Variants in DNAH10 observed in about 807,000 individuals in gnomAD.
The protein encoded by DNAH10 is dynein axonemal heavy chain 10.
Under a neutral mutation model 506.6 loss-of-function variants are expected in DNAH10, and 348 were observed. The observed-to-expected ratio is 0.69, with a 90% confidence interval of 0.63 to 0.75. DNAH10 has a LOEUF of 0.75. Ranked by LOEUF, DNAH10 falls within the 30% of genes least tolerant of loss-of-function variation. The pLI, the probability that DNAH10 is intolerant of heterozygous loss-of-function variation, is 0.00. For missense variants in DNAH10, 5,179 were observed against 5,787.1 expected (o/e 0.89, Z 3.41); for synonymous variants, 2,059 against 2,198.6 (o/e 0.94, Z 1.78).
chr12:123,840,564 C>A (rs1417821131), intron 29 of DNAH10, among the ~76,000 whole-genome samples: 1 of 152,036 alleles, frequency 6.6e-6, no homozygotes, highest in East Asian at 1.9e-4. Flanking sequence ...GCTATTGTGC[C>A]TGGCCTTCTG....
At position 123,785,669 on chromosome 12, in the gene DNAH10, G is replaced by T; in HGVS notation, c.1231-77G>T. On this transcript the variant is annotated intron_variant, in intron 8 of 78. Transcript: ENST00000673944. The surrounding 1 kb of genome is among the most constrained non-coding windows in gnomAD (Gnocchi z 4.1). ...AAAAAAAAAAAGAGTGAAACTTCTT[G>T]CATGCTTACTGTTTTATGAAACTAT... is the stretch of plus-strand genomic sequence containing the variant. 2 of 1,161,076 alleles carry T rather than the reference G, an allele frequency of 1.7e-6. No homozygotes were observed. Among genetic ancestry groups the T allele is most frequent in the South Asian group, 2.4e-5 (1 of 41,720 alleles). 71.9% of individuals were successfully genotyped at this position (1,161,076 alleles called of 1,614,324 possible). A position where few individuals can be genotyped will look rare whatever the true frequency, so the allele number is the denominator to read the frequency against.
Position 123,913,379 on chromosome 12 carries a change from C to T in DNAH10, c.10352+64C>T, listed in dbSNP as rs575236491. Reference sequence around the variant, plus strand: ...AACGGACGTCACCCACAGAGTTTCTCGCCATGTTGATTCTTTATCTCACGT... The same window carrying T: ...AACGGACGTCACCCACAGAGTTTCTTGCCATGTTGATTCTTTATCTCACGT... On this transcript the variant is annotated intron_variant, in intron 60 of 78. Coordinates refer to ENST00000673944, the MANE Select transcript of DNAH10 (RefSeq NM_001372106.1). The surrounding 1 kb of genome is among the most constrained non-coding windows in gnomAD (Gnocchi z 5.1). 21 of 1,462,950 alleles carry T rather than the reference C, an allele frequency of 1.4e-5. No homozygotes were observed. The highest frequency in any genetic ancestry group is 5.0e-5 in the East Asian group (2 of 40,140). The allele number at this position is 1,462,950 out of a possible 1,614,324, so 90.6% of individuals were successfully genotyped here.
chr12:123,801,961 ATGT>A lies in DNAH10; in HGVS notation c.2614+533_2614+535del, dbSNP rs1180555799. On this transcript the variant is annotated intron_variant, in intron 16 of 78. Transcript: ENST00000673944. Reference sequence around the variant, plus strand: ...CATGAATCTTTATTCAATTTCTGTAATGTTGTCATTTCAGAGTGTTATATAAAT... The same window carrying A: ...CATGAATCTTTATTCAATTTCTGTAATGTCATTTCAGAGTGTTATATAAAT... 5.9e-5 allele frequency among the ~76,000 whole-genome samples: 9 copies of A among 152,232 alleles called. No homozygotes were observed. The South Asian group carries it at 1.9e-3, about 32-fold the overall frequency.
intron 11 of DNAH10, 37 bp downstream of exon 11, chr12:123,790,158 G>T: frequency 1.3e-6 from 2 of 1,585,462 alleles, no homozygotes; most frequent in South Asian, 2.3e-5. Context: ...CTTGGGAGTC[G>T]ACACCATGTT....
chr12:123,879,441 G>A (rs957581762), intron 49 of DNAH10, 84 bp downstream of exon 49: 1 of 1,497,334 alleles, frequency 6.7e-7, no homozygotes, highest in Non-Finnish European at 9.0e-7. Context: ...ATTAGGACGC[G>A]AATTGTGGAA....
chr12:123,798,969 G>A (rs185818153), intron 13 of DNAH10, among the ~76,000 whole-genome samples: 3 of 149,438 alleles, frequency 2.0e-5, no homozygotes, highest in Non-Finnish European at 4.5e-5. Flanking sequence ...GCTGGGTGTG[G>A]TGGCATGTGC....
intron 73 of DNAH10, among the ~76,000 whole-genome samples, chr12:123,931,092 G>C (rs891853962): frequency 6.6e-6 from 1 of 152,088 alleles, no homozygotes. Context: ...GTGAATACCT[G>C]TAGTACCAGC....
rs554890769 is a variant in DNAH10 at position 123,813,217 on chromosome 12, G to T, written c.3198G>T (p.Gly1066=). 6.2e-6 allele frequency: 10 copies of T among 1,613,918 alleles called. No homozygotes were observed. Among genetic ancestry groups the T allele is most frequent in the Non-Finnish European group, 7.6e-6 (9 of 1,179,864 alleles). ...GSCIECPPQK[G]EEEEVVIINF... Reference sequence around the variant, plus strand: ...GCATAGAATGCCCACCTCAGAAGGGGGAGGAAGAGGAAGTTGTTATAATAA... The same window carrying T: ...GCATAGAATGCCCACCTCAGAAGGGTGAGGAAGAGGAAGTTGTTATAATAA... The change falls in exon 20 of 79, where the codon GGG becomes GGT. Residue 1066 remains glycine, a synonymous_variant. Transcript: ENST00000673944.
chr12:123,785,959 T>TTTTTG lies in DNAH10; in HGVS notation c.1421+37_1421+41dup, dbSNP rs770709409. On this transcript the variant is annotated intron_variant, in intron 9 of 78. Coordinates refer to ENST00000673944, the MANE Select transcript of DNAH10 (RefSeq NM_001372106.1). The surrounding 1 kb of genome is among the most constrained non-coding windows in gnomAD (Gnocchi z 4.1). ...CAAGTAAGAAGCCATGGCGTTCATT[T>TTTTTG]TTTTGTTTTGTTTTGTTTCACTTTT... is the stretch of plus-strand genomic sequence containing the variant. 3.0e-5 allele frequency: 48 copies of TTTTTG among 1,596,470 alleles called. No individual in the cohort carries two copies. Among genetic ancestry groups the TTTTTG allele is most frequent in the South Asian group, 3.0e-4 (27 of 90,524 alleles).
At chr12:123,784,210 T>C in intron 8 of DNAH10, 33 bp downstream of exon 8, 1 of 1,583,364 alleles carries the variant, frequency 6.3e-7, no homozygotes, top group Non-Finnish European at 8.7e-7. Flanking sequence ...TGCAGTCAGC[T>C]CTGTCAAAGA....
chr12:123,931,578 G>A (rs1955209567), intron 74 of DNAH10, 58 bp from the exon 75 acceptor site: 1 of 1,608,092 alleles, frequency 6.2e-7, no homozygotes, highest in Admixed American at 1.7e-5. Context: ...GAAGGCTCAG[G>A]AGGCTCCGGT....
intron 72 of DNAH10, chr12:123,930,129 G>A (rs1955138095): frequency 3.9e-6 from 2 of 517,482 alleles, no homozygotes; most frequent in Non-Finnish European, 3.4e-6. Context: ...TTTGTTTGAT[G>A]TGTTTGGGGG....
chr12:123,803,921 T>G (rs1017490488), intron 17 of DNAH10, 96 bp downstream of exon 17: 2 of 1,173,106 alleles, frequency 1.7e-6, no homozygotes, highest in African/African-American at 3.3e-5. Flanking sequence ...AATATACATA[T>G]GTATTTGTAT....
intron 21 of DNAH10, among the ~76,000 whole-genome samples, chr12:123,816,525 C>T (rs1360418379): frequency 6.6e-6 from 1 of 152,176 alleles, no homozygotes; most frequent in Non-Finnish European, 1.5e-5. Context: ...CTGTGCACCC[C>T]CCAACCCCAT....
intron 10 of DNAH10, 86 bp downstream of exon 10, chr12:123,788,088 C>A: frequency 6.8e-7 from 1 of 1,470,942 alleles, no homozygotes; most frequent in Non-Finnish European, 9.3e-7. Flanking sequence ...CAGGTAGGAG[C>A]TGGGCGTCAG....
intron 50 of DNAH10, 80 bp downstream of exon 50, chr12:123,879,881 G>A: frequency 1.3e-6 from 2 of 1,513,550 alleles, no homozygotes; most frequent in East Asian, 2.3e-5. Context: ...TCGCGCGGGT[G>A]CCCGGGAGCC....
At chr12:123,826,531 T>C (rs1960008962) in intron 24 of DNAH10, among the ~76,000 whole-genome samples, 156 bp from the exon 25 acceptor site, 1 of 152,236 alleles carries the variant, frequency 6.6e-6, no homozygotes. Flanking sequence ...TTTTAGATCC[T>C]TGTAGTCAAC....
At chr12:123,801,952 A>G (rs1594062097) in intron 16 of DNAH10, among the ~76,000 whole-genome samples, 1 of 152,282 alleles carries the variant, frequency 6.6e-6, no homozygotes, top group Middle Eastern at 3.4e-3. Flanking sequence ...TCTTTATTCA[A>G]TTTCTGTAAT....
In DNAH10 at chr12:123,926,542, TG is replaced by T; in HGVS notation, c.11922-93del. 2 of 1,357,612 alleles carry T rather than the reference TG, an allele frequency of 1.5e-6. No individual in the cohort carries two copies. Among genetic ancestry groups the T allele is most frequent in the Non-Finnish European group, 2.0e-6 (2 of 998,356 alleles). 84.1% of individuals were successfully genotyped at this position (1,357,612 alleles called of 1,614,324 possible). On this transcript the variant is annotated intron_variant, in intron 68 of 78. Transcript: ENST00000673944. The surrounding 1 kb of genome is among the most constrained non-coding windows in gnomAD (Gnocchi z 4.1). ...TCCCAGAGGAGTGGTCAGAAGGTTC[TG>T]GACACCGGAGGAGGCAGCGCTGATC...
Sources: allele counts gnomAD v4.1 joint callset (sites outside exome capture counted in the v4.1 genomes callset), GRCh38; gene constraint gnomAD v4.1.1; non-coding constraint Gnocchi (gnomAD v3.1); transcripts MANE v1.5; gene names NCBI Gene and HGNC (gene_info 2026-07-23, HGNC 2026-07-21).